Variants in IQCM observed in about 807,000 individuals in gnomAD.
IQCM encodes IQ domain-containing protein M.
In IQCM, 45 loss-of-function variants were observed where a neutral mutation model predicts 57.6. The ratio of observed to expected loss-of-function variants is 0.78; its 90% CI spans 0.62 to 1.00. The LOEUF is 1.00. Ranked by LOEUF, IQCM falls within the 50% of genes least tolerant of loss-of-function variation. IQCM has a pLI of 0.00. For synonymous variants in IQCM, 148 were observed against 158.9 expected, an observed-to-expected ratio of 0.93 and a Z score of 0.51; for missense variants, 468 against 511.6, an observed-to-expected ratio of 0.91 and a Z score of 0.82.
At chr4:149,765,879 G>A (rs917981733) in intron 2 of IQCM, among the ~76,000 whole-genome samples, 3 of 151,780 alleles carry the variant, frequency 2.0e-5, no homozygotes, top group African/African-American at 7.3e-5. Context: ...GATTCAACCA[G>A]TCCAGTGGCC....
At chr4:149,527,790 G>A (rs2149843470) in intron 12 of IQCM, among the ~76,000 whole-genome samples, 1 of 152,200 alleles carries the variant, frequency 6.6e-6, no homozygotes, top group African/African-American at 2.4e-5. Context: ...GCCATGCTGT[G>A]TTAAAGTAAA....
intron 7 of IQCM, among the ~76,000 whole-genome samples, chr4:149,627,843 A>G (rs780602439): frequency 2.0e-5 from 3 of 152,194 alleles, no homozygotes; most frequent in Non-Finnish European, 4.4e-5. Context: ...TGTAATCACA[A>G]GTGTCCTTAC....
intron 2 of IQCM, among the ~76,000 whole-genome samples, chr4:149,812,052 A>G (rs911154624): frequency 2.0e-5 from 3 of 152,212 alleles, no homozygotes; most frequent in Admixed American, 6.5e-5. Flanking sequence ...TAACTAGGAG[A>G]ATAAAGCATT....
chr4:149,518,007 G>A (rs117993367), intron 12 of IQCM, among the ~76,000 whole-genome samples: 1 of 152,298 alleles, frequency 6.6e-6, no homozygotes, highest in East Asian at 1.9e-4. Flanking sequence ...CCCTAATACA[G>A]AGGTTCTTGA....
intron 2 of IQCM, among the ~76,000 whole-genome samples, chr4:149,765,205 A>C (rs1213812835): frequency 1.3e-5 from 2 of 152,120 alleles, no homozygotes; most frequent in Admixed American, 6.6e-5. Flanking sequence ...AAACCAAAAA[A>C]CAAGGTCAGA....
chr4:149,441,856 G>C (rs1735972282), intron 12 of IQCM, among the ~76,000 whole-genome samples: 1 of 152,092 alleles, frequency 6.6e-6, no homozygotes, highest in Non-Finnish European at 1.5e-5. Context: ...GGGACTTTTG[G>C]AAGGTGATTG....
At chr4:149,635,171 C>A (rs978825771) in intron 7 of IQCM, among the ~76,000 whole-genome samples, 1 of 152,086 alleles carries the variant, frequency 6.6e-6, no homozygotes, top group Non-Finnish European at 1.5e-5. Context: ...CAAAGTGTGA[C>A]TTTAAAAAAG....
intron 12 of IQCM, among the ~76,000 whole-genome samples, chr4:149,518,714 T>A (rs1286710310): frequency 6.6e-6 from 1 of 152,070 alleles, no homozygotes; most frequent in Admixed American, 6.5e-5. Context: ...CAGTGGATAT[T>A]AAGATGGAAA....
At chr4:149,726,135 G>GA (rs1554030480) in intron 5 of IQCM, among the ~76,000 whole-genome samples, 20 of 145,882 alleles carry the variant, frequency 1.4e-4, no homozygotes, top group African/African-American at 3.9e-4. Flanking sequence ...AAGAAAGAAA[G>GA]AAAGAAAAGA....
At chr4:149,651,553 G>A (rs1759182523) in intron 7 of IQCM, among the ~76,000 whole-genome samples, 1 of 151,904 alleles carries the variant, frequency 6.6e-6, no homozygotes. Flanking sequence ...GCTGGTCTGG[G>A]AAGAATTCAC....
At chr4:149,731,873 A>G (rs1766491805) in intron 5 of IQCM, among the ~76,000 whole-genome samples, 1 of 141,384 alleles carries the variant, frequency 7.1e-6, no homozygotes, top group Non-Finnish European at 1.5e-5. Flanking sequence ...TTTTATTTAA[A>G]TGTTTCTAAC....
intron 10 of IQCM, among the ~76,000 whole-genome samples, chr4:149,554,992 C>A (rs547277739): frequency 1.3e-5 from 2 of 152,306 alleles, no homozygotes; most frequent in South Asian, 2.1e-4. Flanking sequence ...AGCCACTGCA[C>A]CCGGCCCATA....
chr4:149,612,176 T>G (rs1257616224), intron 8 of IQCM, among the ~76,000 whole-genome samples: 1 of 151,942 alleles, frequency 6.6e-6, no homozygotes, highest in Non-Finnish European at 1.5e-5. Context: ...TCAAGGGGGA[T>G]GTCCATTCCC....
At position 149,697,049 on chromosome 4, in the gene IQCM, T is replaced by C. The variant is rs549648273; in HGVS notation, c.386-10581A>G. ...AGAGAATAGAGGCCTGCATATCTTT[T>C]AAAAATAGAAATCTGATCATAACAT... On this transcript the variant is annotated intron_variant, in intron 5 of 13. Coordinates refer to ENST00000636793, the MANE Select transcript of IQCM (RefSeq NM_001363507.2). Among the ~76,000 whole-genome samples the C allele has an allele frequency of 1.9e-4, 29 of 152,198 alleles. No individual in the cohort carries two copies. The South Asian group carries it at 6.0e-3, about 32-fold the overall frequency.
At chr4:149,521,790 G>A (rs1373095610) in intron 12 of IQCM, among the ~76,000 whole-genome samples, 2 of 152,182 alleles carry the variant, frequency 1.3e-5, no homozygotes, top group Admixed American at 6.5e-5. Context: ...ACTCATGCCT[G>A]CAGTCCTCTC....
In IQCM at chr4:149,668,013, A is replaced by T. The variant is rs545719502; in HGVS notation, c.565+14105T>A. Among the ~76,000 whole-genome samples the T allele has an allele frequency of 4.7e-4, 72 of 152,284 alleles. 1 individual carries two copies. The South Asian group carries it at 0.015, about 32-fold the overall frequency. On this transcript the variant is annotated intron_variant, in intron 7 of 13. Coordinates refer to ENST00000636793, the MANE Select transcript of IQCM (RefSeq NM_001363507.2). The stretch of plus-strand genomic sequence containing the variant: ...GTTGGAAAACACTCTTCAGGATATT[A>T]TCCAGGAGAACTTCCCCAACCTAGC...
At chr4:149,791,312 G>A (rs1197227801) in intron 2 of IQCM, among the ~76,000 whole-genome samples, 1 of 151,854 alleles carries the variant, frequency 6.6e-6, no homozygotes, top group African/African-American at 2.4e-5. Flanking sequence ...CATAATAGTT[G>A]TACACTTTGG....
At position 149,675,437 on chromosome 4, in the gene IQCM, A is replaced by G. The variant is rs182022684; in HGVS notation, c.565+6681T>C. The stretch of plus-strand genomic sequence containing the variant: ...AACCAGCACCACCTGAAAGGGTGGC[A>G]GGGGAAGAAATGTCTTCAGGGCACA... On this transcript the variant is annotated intron_variant, in intron 7 of 13. Transcript: ENST00000636793. Among the ~76,000 whole-genome samples, 579 of 152,094 alleles carry G rather than the reference A, an allele frequency of 3.8e-3. 2 individuals carry two copies. Among genetic ancestry groups the G allele is most frequent in the Non-Finnish European group, 6.4e-3 (433 of 67,954 alleles).
intron 13 of IQCM, among the ~76,000 whole-genome samples, chr4:149,361,898 T>G (rs999406377): frequency 3.9e-5 from 6 of 152,088 alleles, no homozygotes; most frequent in Admixed American, 1.3e-4. Context: ...TTGCACCGTG[T>G]GCCTGGAAAA....
Sources: gnomAD v4.1 joint callset for allele counts (sites outside exome capture counted in the v4.1 genomes callset) on GRCh38, gnomAD v4.1.1 for gene constraint, MANE v1.5 for transcripts, NCBI Gene and HGNC (gene_info 2026-07-23, HGNC 2026-07-21) for gene names.